The following USP6 variants were observed in gnomAD, a reference collection of about 807,000 sequenced individuals.
The protein encoded by USP6 is ubiquitin carboxyl-terminal hydrolase 6.
A neutral mutation model predicts 175.7 loss-of-function variants in USP6; 128 were observed. The observed-to-expected ratio is 0.73, with a 90% confidence interval of 0.63 to 0.84. The LOEUF (loss-of-function observed/expected upper bound fraction) is 0.84, where lower values mean the gene tolerates loss of function less well. Ranked by LOEUF, USP6 falls within the 40% of genes least tolerant of loss-of-function variation. The pLI, the probability that USP6 is intolerant of heterozygous loss-of-function variation, is 0.00. For synonymous variants in USP6, 562 were observed against 630.6 expected (o/e 0.89, Z 1.63); for missense variants, 1,498 against 1,760.3 (o/e 0.85, Z 2.67).
At chr17:5,171,196 G>C (rs1416520875) in intron 36 of USP6, among the ~76,000 whole-genome samples, 1 of 151,994 alleles carries the variant, frequency 6.6e-6, no homozygotes, top group Non-Finnish European at 1.5e-5. Context: ...AAAATGGAGC[G>C]AGGTATGGTG....
In USP6 at chr17:5,147,070, G is replaced by A; in HGVS notation, c.2320-13G>A. On this transcript the variant is annotated splice_polypyrimidine_tract_variant and intron_variant, in intron 28 of 37. Transcript: ENST00000574788. ...AACATCTCCCCCTTCTCATCTTGCT[G>A]CTGTTTCTGTAGAACTTTCCTCAGG... 2 of 1,604,526 alleles carry A rather than the reference G, an allele frequency of 1.2e-6. No homozygotes were observed. The highest frequency in any genetic ancestry group is 8.5e-7 in the Non-Finnish European group (1 of 1,173,470).
chr17:5,141,542 T>C, intron 23 of USP6, 43 bp downstream of exon 23: 1 of 1,506,436 alleles, frequency 6.6e-7, no homozygotes, highest in Non-Finnish European at 8.9e-7. Flanking sequence ...ATTTTAAATG[T>C]ATTTTTTTTC....
At chr17:5,123,448 C>T (rs527511728) in intron 4 of USP6, among the ~76,000 whole-genome samples, 48 of 152,092 alleles carry the variant, frequency 3.2e-4, no homozygotes, top group African/African-American at 1.1e-3. Flanking sequence ...GTGCCAGGGG[C>T]GGGCAGGCAG....
intron 16 of USP6, 87 bp downstream of exon 16, chr17:5,135,369 A>C (rs990329983): frequency 4.8e-5 from 74 of 1,529,994 alleles, no homozygotes; most frequent in Non-Finnish European, 6.2e-5. Flanking sequence ...TGCTTCTTTT[A>C]AAGTTGGTAT....
chr17:5,143,859 G>A (rs904091364), intron 25 of USP6, among the ~76,000 whole-genome samples: 1 of 152,076 alleles, frequency 6.6e-6, no homozygotes, highest in Non-Finnish European at 1.5e-5. Flanking sequence ...CCGGGATGTG[G>A]TGTTTGCAAT....
At chr17:5,127,672 G>A (rs896687562) in intron 7 of USP6, 33 bp downstream of exon 7, 1 of 152,178 alleles carries the variant, frequency 6.6e-6, no homozygotes, top group African/African-American at 2.4e-5. Flanking sequence ...TGGTATCCAT[G>A]GAGGATTAGT....
chr17:5,135,603 G>A (rs150137050), intron 16 of USP6, among the ~76,000 whole-genome samples: 21 of 152,168 alleles, frequency 1.4e-4, no homozygotes, highest in Non-Finnish European at 2.6e-4. Context: ...ACGCAGGACG[G>A]TGCTCTCAGG....
In USP6 at chr17:5,138,209, G is replaced by A; in HGVS notation, c.1014G>A (p.Val338=). ...CCTGGGCCATGAACGATGACACCGT[G>A]CTCAAGCATCTTAGGGCCTCTACGA... ...FDTWAMNDDT[V]LKHLRASTKK... The change falls in exon 21 of 38, where the codon GTG becomes GTA. Residue 338 remains valine, a synonymous_variant. Coordinates refer to ENST00000574788, the MANE Select transcript of USP6 (RefSeq NM_001304284.2). 6.2e-7 allele frequency: 1 copy of A among 1,614,078 alleles called. No individual in the cohort carries two copies. Among genetic ancestry groups the A allele is most frequent in the African/African-American group, 1.3e-5 (1 of 75,026 alleles).
In USP6 at chr17:5,142,140, A is replaced by G; in HGVS notation, c.1711A>G (p.Arg571Gly). The G allele has an allele frequency of 1.2e-6, 2 of 1,610,766 alleles. No individual in the cohort carries two copies. Among genetic ancestry groups the G allele is most frequent in the South Asian group, 2.2e-5 (2 of 90,074 alleles). Residue 571 changes from arginine (R) to glycine (G), a missense_variant and splice_region_variant, in exon 24 of 38, where the codon AGG becomes GGG. Arg to Gly is a moderately radical substitution (Grantham distance 125). Coordinates refer to ENST00000574788, the MANE Select transcript of USP6 (RefSeq NM_001304284.2). The part of the protein sequence containing the change: ...ISGRHLYELN[R>G]TNPIGMKGHM... ...AGGGAGACATCTTTATGAACTCAAC[A>G]GGTAAACTTTCTTGAGTCACTGGCC...
chr17:5,139,781 G>C, intron 22 of USP6, 107 bp downstream of exon 22: 2 of 1,595,456 alleles, frequency 1.3e-6, no homozygotes, highest in South Asian at 2.2e-5. Context: ...TGCAGCTAGG[G>C]ACGAGCAGCA....
intron 2 of USP6, among the ~76,000 whole-genome samples, chr17:5,119,862 A>G (rs1195191660): frequency 6.6e-6 from 1 of 152,108 alleles, no homozygotes; most frequent in African/African-American, 2.4e-5. Context: ...TGAAGCTCAG[A>G]GAGGTTAAGG....
At position 5,133,442 on chromosome 17, in the gene USP6, G is replaced by A. The variant is rs545161806; in HGVS notation, c.277-1G>A. On this transcript the variant is annotated splice_acceptor_variant, in intron 13 of 37. Transcript: ENST00000574788. LOFTEE classifies it high-confidence loss of function. ...GACACCAGATTCTTTTCTGCCCACA[G>A]CTCATAGATCGAGTGTACAAGGGAA... 2 of 1,610,588 alleles carry A rather than the reference G, an allele frequency of 1.2e-6. No homozygotes were observed. Among genetic ancestry groups the A allele is most frequent in the African/African-American group, 2.7e-5 (2 of 74,944 alleles).
chr17:5,173,381 C>T lies in USP6; in HGVS notation c.*403C>T, dbSNP rs2074266329. 2 of 230,028 alleles carry T rather than the reference C, an allele frequency of 8.7e-6. No homozygotes were observed. Among genetic ancestry groups the T allele is most frequent in the South Asian group, 1.8e-4 (1 of 5,626 alleles). 14.2% of individuals were successfully genotyped at this position (230,028 alleles called of 1,614,324 possible). ...CAATTATAATGTTGTCTAGGGACGA[C>T]ATGATACGCTACCTCCTTTTTCCTG... On this transcript the variant is annotated 3_prime_UTR_variant, in exon 38 of 38. Coordinates refer to ENST00000574788, the MANE Select transcript of USP6 (RefSeq NM_001304284.2).
At chr17:5,165,807 A>G (rs1179474522) in intron 33 of USP6, among the ~76,000 whole-genome samples, 1 of 152,164 alleles carries the variant, frequency 6.6e-6, no homozygotes, top group East Asian at 1.9e-4. Flanking sequence ...CCCAAGAGGT[A>G]AAGGGAATCT....
Position 5,130,009 on chromosome 17 carries a change from G to C in USP6, c.-82G>C, listed in dbSNP as rs1405153278. 3.3e-6 allele frequency: 1 copy of C among 303,712 alleles called. No homozygotes were observed. Among genetic ancestry groups the C allele is most frequent in the Non-Finnish European group, 6.4e-6 (1 of 156,298 alleles). 18.8% of individuals were successfully genotyped at this position (303,712 alleles called of 1,614,324 possible). On this transcript the variant is annotated 5_prime_UTR_variant, in exon 9 of 38. Transcript: ENST00000574788. ...CAGAGACCTCTGGTGCCTGACCGCA[G>C]TTCACATCCACATCCCTGGAATAGA...
At chr17:5,160,173 A>G (rs2144111210) in intron 31 of USP6, among the ~76,000 whole-genome samples, 1 of 152,306 alleles carries the variant, frequency 6.6e-6, no homozygotes, top group African/African-American at 2.4e-5. Context: ...ACATGGTACT[A>G]GACAGTACAG....
rs762020280 is a variant in USP6, at chr17:5,145,589, A to C, written c.2167+10A>C. Reference sequence around the variant, plus strand: ...GACTTAGAAATAACAGGTAGGTCACAAAGTTCTGAAAAATTACTTGATTCC... The same window carrying C: ...GACTTAGAAATAACAGGTAGGTCACCAAGTTCTGAAAAATTACTTGATTCC... On this transcript the variant is annotated intron_variant, in intron 27 of 37. Transcript: ENST00000574788. The C allele has an allele frequency of 4.5e-6, 7 of 1,557,742 alleles. No homozygotes were observed. The African/African-American group carries it at 6.9e-5, about 15-fold the overall frequency.
In USP6 at chr17:5,152,424, G is replaced by T. The variant is rs919726225; in HGVS notation, c.2644-2998G>T. On this transcript the variant is annotated intron_variant, in intron 30 of 37. Coordinates refer to ENST00000574788, the MANE Select transcript of USP6 (RefSeq NM_001304284.2). ...GAATATAAATTAATACAACTACTTT[G>T]GAATACAATTTTCTAGTTAAAGATA... Among the ~76,000 whole-genome samples, 3 of 152,224 alleles carry T rather than the reference G, an allele frequency of 2.0e-5. No homozygotes were observed. In the East Asian group the frequency reaches 5.8e-4, roughly 29 times the overall value.
chr17:5,155,386 G>A (rs762550488), intron 30 of USP6, 36 bp from the exon 31 acceptor site: 1 of 1,606,646 alleles, frequency 6.2e-7, no homozygotes, highest in Non-Finnish European at 8.5e-7. Flanking sequence ...TCAGAGGCCT[G>A]TCTTCTCAAC....
Sources: gnomAD v4.1 joint callset for allele counts (sites outside exome capture counted in the v4.1 genomes callset) on GRCh38, gnomAD v4.1.1 for gene constraint, MANE v1.5 for transcripts, NCBI Gene and HGNC (gene_info 2026-07-23, HGNC 2026-07-21) for gene names.